Variants in THRB observed in about 807,000 individuals in gnomAD.
THRB encodes the protein nuclear receptor subfamily 1 group A member 2.
Under a neutral mutation model 47.8 loss-of-function variants are expected in THRB, and 12 were observed. That is an observed-to-expected ratio of 0.25 (90% CI 0.16 to 0.41). The LOEUF (loss-of-function observed/expected upper bound fraction) is 0.41. Among genes scored for constraint, THRB ranks in the 10% least tolerant of loss-of-function variants. THRB has a pLI of 1.00. For missense variants in THRB, 348 were observed against 589.2 expected, an observed-to-expected ratio of 0.59 and a Z score of 4.24; for synonymous variants, 218 against 212.2, an observed-to-expected ratio of 1.03 and a Z score of -0.24.
chr3:24,217,568 T>G (rs1293467075), intron 4 of THRB, among the ~76,000 whole-genome samples: 3 of 147,030 alleles, frequency 2.0e-5, no homozygotes, highest in South Asian at 4.4e-4. Flanking sequence ...AAAAAAAAAA[T>G]GTTGAAAATC....
intron 1 of THRB, among the ~76,000 whole-genome samples, chr3:24,340,446 T>G (rs1392560725): frequency 6.6e-6 from 1 of 151,838 alleles, no homozygotes; most frequent in African/African-American, 2.4e-5. Flanking sequence ...CACTAAATCA[T>G]ATGAAGCCTG....
intron 1 of THRB, among the ~76,000 whole-genome samples, chr3:24,445,011 T>G (rs905629650): frequency 6.6e-6 from 1 of 152,144 alleles, no homozygotes; most frequent in Non-Finnish European, 1.5e-5. Context: ...AGAAACAGGC[T>G]ATAATACAAA....
At chr3:24,300,486 A>G (rs766386881) in intron 2 of THRB, among the ~76,000 whole-genome samples, 50 of 152,162 alleles carry the variant, frequency 3.3e-4, no homozygotes, top group Admixed American at 2.2e-3. Flanking sequence ...TTCCCTCCCT[A>G]CAACAATGAT....
At chr3:24,241,563 G>C (rs913404014) in intron 3 of THRB, among the ~76,000 whole-genome samples, 3 of 152,168 alleles carry the variant, frequency 2.0e-5, no homozygotes, top group Non-Finnish European at 4.4e-5. Flanking sequence ...GTCATGGCCA[G>C]TGTGATCTAT....
At chr3:24,140,201 A>G (rs927931087) in intron 8 of THRB, among the ~76,000 whole-genome samples, 1 of 152,246 alleles carries the variant, frequency 6.6e-6, no homozygotes, top group Non-Finnish European at 1.5e-5. Flanking sequence ...GCTAAGACAC[A>G]GGGCTTAACT....
At chr3:24,406,605 T>C (rs1211349814) in intron 1 of THRB, among the ~76,000 whole-genome samples, 1 of 97,386 alleles carries the variant, frequency 1.0e-5, no homozygotes, top group African/African-American at 4.8e-5. Flanking sequence ...TTAGGTTTGC[T>C]TGTACTCTTA....
At chr3:24,341,148 C>T in intron 1 of THRB, among the ~76,000 whole-genome samples, 1 of 147,720 alleles carries the variant, frequency 6.8e-6, no homozygotes. Flanking sequence ...ATTTTTCCCT[C>T]CTTCCCTCCC....
intron 2 of THRB, among the ~76,000 whole-genome samples, chr3:24,317,204 T>C (rs944697112): frequency 6.6e-6 from 1 of 152,182 alleles, no homozygotes; most frequent in Non-Finnish European, 1.5e-5. Context: ...ACCTGTGACT[T>C]GAGCAGGTTA....
chr3:24,160,689 T>A (rs2038678196), intron 5 of THRB, among the ~76,000 whole-genome samples: 1 of 152,074 alleles, frequency 6.6e-6, no homozygotes, highest in Admixed American at 6.6e-5. Context: ...CATAAGATGA[T>A]GGGATCATAA....
In THRB at chr3:24,315,284, G is replaced by A. The variant is rs73823291; in HGVS notation, c.-188-17913C>T. On this transcript the variant is annotated intron_variant, in intron 2 of 10. Transcript: ENST00000646209. ...GTCCTCTGGGCTTTTAGGACCTGCCGACATCGCTACATCCTCAGCATGAGC... is the reference window on the plus strand; with the variant it reads ...GTCCTCTGGGCTTTTAGGACCTGCCAACATCGCTACATCCTCAGCATGAGC... Among the ~76,000 whole-genome samples the A allele has an allele frequency of 7.6e-3, 1,157 of 152,296 alleles. 21 individuals are homozygous for A. The highest frequency in any genetic ancestry group is 0.027 in the African/African-American group (1,107 of 41,556).
intron 4 of THRB, among the ~76,000 whole-genome samples, chr3:24,207,451 C>A (rs1249258541): frequency 6.6e-6 from 1 of 152,182 alleles, no homozygotes; most frequent in Non-Finnish European, 1.5e-5. Flanking sequence ...AACAGCCCTT[C>A]ATGCTAAAAA....
At chr3:24,215,815 T>C (rs1667735) in intron 4 of THRB, among the ~76,000 whole-genome samples, 29,772 of 152,160 alleles carry the variant, frequency 0.2, 3,293 homozygotes, top group East Asian at 0.38. Context: ...CTCTTATGTG[T>C]TTTGTTTCAT....
chr3:24,131,675 A>G (rs745685160), intron 9 of THRB, among the ~76,000 whole-genome samples: 1 of 152,184 alleles, frequency 6.6e-6, no homozygotes, highest in Non-Finnish European at 1.5e-5. Flanking sequence ...TGTAAAAGAC[A>G]TCCCAAAGAT....
intron 5 of THRB, among the ~76,000 whole-genome samples, chr3:24,157,888 A>G (rs1388328547): frequency 1.3e-5 from 2 of 152,176 alleles, no homozygotes; most frequent in Admixed American, 1.3e-4. Context: ...TATAAGAAGT[A>G]CCTAGTGAAA....
chr3:24,487,923 CA>C (rs1222506977), intron 1 of THRB, among the ~76,000 whole-genome samples: 1 of 152,134 alleles, frequency 6.6e-6, no homozygotes, highest in African/African-American at 2.4e-5. Flanking sequence ...TCAGAAAAAA[CA>C]GAATCCCAAG....
At chr3:24,438,132 A>C (rs2071158622) in intron 1 of THRB, among the ~76,000 whole-genome samples, 1 of 151,682 alleles carries the variant, frequency 6.6e-6, no homozygotes, top group Non-Finnish European at 1.5e-5. Context: ...CATACAATTG[A>C]GATTAAGAAA....
intron 5 of THRB, among the ~76,000 whole-genome samples, chr3:24,185,319 G>T (rs942333823): frequency 3.9e-5 from 6 of 152,100 alleles, no homozygotes; most frequent in Admixed American, 3.9e-4. Flanking sequence ...ATGATCCCAG[G>T]TTTATAAAAA....
At chr3:24,368,140 A>G (rs2149714393) in intron 1 of THRB, among the ~76,000 whole-genome samples, 1 of 152,250 alleles carries the variant, frequency 6.6e-6, no homozygotes, top group Non-Finnish European at 1.5e-5. Context: ...TAATCCTTAT[A>G]CAACTCCTGT....
rs116755007 is a variant in THRB, at chr3:24,475,028, T to C, written c.-261+19624A>G. On this transcript the variant is annotated intron_variant, in intron 1 of 10. Transcript: ENST00000646209. ...TACCACACTAATACGTGGCATTCTATACCTCATGTTCTAAAAACAAAATGT... is the reference window on the plus strand; with the variant it reads ...TACCACACTAATACGTGGCATTCTACACCTCATGTTCTAAAAACAAAATGT... Among the ~76,000 whole-genome samples, 970 of 152,360 alleles carry C rather than the reference T, an allele frequency of 6.4e-3. 11 individuals carry two copies. The highest frequency in any genetic ancestry group is 0.022 in the African/African-American group (912 of 41,588).
Sources: allele counts gnomAD v4.1 joint callset (sites outside exome capture counted in the v4.1 genomes callset), GRCh38; gene constraint gnomAD v4.1.1; transcripts MANE v1.5; gene names NCBI Gene and HGNC (gene_info 2026-07-23, HGNC 2026-07-21).